COP1: variants seen among roughly 807,000 people sequenced by gnomAD.
The protein encoded by COP1 is E3 ubiquitin-protein ligase COP1.
Under a neutral mutation model 101.3 loss-of-function variants are expected in COP1, and 24 were observed. The ratio of observed to expected loss-of-function variants is 0.24; its 90% CI spans 0.17 to 0.33. The LOEUF (loss-of-function observed/expected upper bound fraction) is 0.33, where lower values mean the gene tolerates loss of function less well. Ranked by LOEUF, COP1 falls within the 10% of genes least tolerant of loss-of-function variation. The probability of loss-of-function intolerance (pLI) is 1.00; values close to 1 mark genes in which losing one functional copy is unlikely to be tolerated. For synonymous variants in COP1, 347 were observed against 341.9 expected, an observed-to-expected ratio of 1.01 and a Z score of -0.17; for missense variants, 663 against 906.2, an observed-to-expected ratio of 0.73 and a Z score of 3.45.
intron 9 of COP1, among the ~76,000 whole-genome samples, chr1:176,110,077 C>T (rs1685015880): frequency 6.6e-6 from 1 of 152,132 alleles, no homozygotes; most frequent in African/African-American, 2.4e-5. Context: ...CTTTTCTAGA[C>T]TGCCTGTCTG....
At chr1:175,990,530 ACT>A (rs1461874913) in intron 15 of COP1, among the ~76,000 whole-genome samples, 1 of 152,062 alleles carries the variant, frequency 6.6e-6, no homozygotes. Context: ...GTCTTCTAAA[ACT>A]CTGCCAATTT....
At chr1:176,195,068 C>G (rs1235896165) in intron 1 of COP1, among the ~76,000 whole-genome samples, 3 of 146,734 alleles carry the variant, frequency 2.0e-5, no homozygotes, top group Non-Finnish European at 3.0e-5. Context: ...GCCTGGGTGA[C>G]AGAGTGAGAC....
At chr1:176,077,380 A>G (rs1678242881) in intron 11 of COP1, among the ~76,000 whole-genome samples, 1 of 152,192 alleles carries the variant, frequency 6.6e-6, no homozygotes, top group Admixed American at 6.5e-5. Flanking sequence ...TTACCACATA[A>G]ATAGAATAAA....
At chr1:176,026,782 C>A (rs957004353) in intron 15 of COP1, among the ~76,000 whole-genome samples, 1 of 151,180 alleles carries the variant, frequency 6.6e-6, no homozygotes, top group South Asian at 2.1e-4. Flanking sequence ...TTTGTAAAAC[C>A]CTGATATTAT....
intron 15 of COP1, among the ~76,000 whole-genome samples, chr1:176,014,584 T>C (rs542521306): frequency 2.6e-5 from 4 of 152,266 alleles, no homozygotes; most frequent in Middle Eastern, 3.4e-3. Flanking sequence ...ATAAAATACA[T>C]GTTTTTTTAA....
chr1:176,041,446 C>T (rs560765268), intron 14 of COP1, among the ~76,000 whole-genome samples: 5 of 151,652 alleles, frequency 3.3e-5, no homozygotes, highest in East Asian at 2.0e-4. Flanking sequence ...CTCCTAGGTT[C>T]GAACAATTCT....
Position 176,206,848 on chromosome 1 carries a change from G to T in COP1, c.131C>A (p.Ala44Glu). The change falls in exon 1 of 20, where the codon GCG (alanine) becomes GAG (glutamate). Residue 44 changes from alanine (A) to glutamate (E), a missense_variant. Ala to Glu is a moderately radical substitution (Grantham distance 107). Around this residue, in one of 4 missense-constraint regions of COP1, gnomAD observed 204 missense variants for 203.6 expected, o/e 1.00. Coordinates refer to ENST00000367669, the MANE Select transcript of COP1 (RefSeq NM_022457.7). ...SPSPPSVAVS[A>E]AALVSGGVAQ... ...CACCCCGCCGGACACCAGCGCTGCC[G>T]CCGAAACCGCCACGGAAGGCGGCGA... 7.0e-7 allele frequency: 1 copy of T among 1,430,654 alleles called. No homozygotes were observed. The highest frequency in any genetic ancestry group is 1.5e-5 in the African/African-American group (1 of 67,290). The allele number at this position is 1,430,654 out of a possible 1,614,324, so 88.6% of individuals were successfully genotyped here.
intron 18 of COP1, among the ~76,000 whole-genome samples, chr1:175,979,963 T>C (rs544906839): frequency 6.6e-6 from 1 of 152,316 alleles, no homozygotes; most frequent in Non-Finnish European, 1.5e-5. Context: ...CGCTGTGTAA[T>C]GCTAGGGGTA....
In COP1 at chr1:176,170,471, A is replaced by G. The variant is rs559454069; in HGVS notation, c.565+5439T>C. On this transcript the variant is annotated intron_variant, in intron 3 of 19. Coordinates refer to ENST00000367669, the MANE Select transcript of COP1 (RefSeq NM_022457.7). ...AAAACAACCTTACTCTCCTTTGTAC[A>G]TCTGTATCAGAGCTCTTGGGTGACC... is the stretch of plus-strand genomic sequence containing the variant. Among the ~76,000 whole-genome samples the G allele has an allele frequency of 1.1e-4, 16 of 152,330 alleles. No homozygotes were observed. In the South Asian group the frequency reaches 3.3e-3, roughly 32 times the overall value.
chr1:176,174,176 A>T (rs1409929543), intron 3 of COP1, among the ~76,000 whole-genome samples: 1 of 152,002 alleles, frequency 6.6e-6, no homozygotes, highest in Non-Finnish European at 1.5e-5. Flanking sequence ...TAAACACCAA[A>T]ATCTTCAGAA....
chr1:176,057,783 T>C (rs1274935944), intron 11 of COP1, among the ~76,000 whole-genome samples: 6 of 152,116 alleles, frequency 3.9e-5, no homozygotes, highest in Non-Finnish European at 8.8e-5. Context: ...GGAGCGTCTC[T>C]GCCTGGCCGC....
chr1:176,134,943 A>G, intron 8 of COP1, 67 bp downstream of exon 8: 1 of 1,188,278 alleles, frequency 8.4e-7, no homozygotes, highest in Non-Finnish European at 1.2e-6. Flanking sequence ...AAAGGCTCCT[A>G]AAGGACTAGA....
chr1:175,962,537 T>C (rs1168819661), intron 18 of COP1, among the ~76,000 whole-genome samples: 1 of 152,188 alleles, frequency 6.6e-6, no homozygotes, highest in Non-Finnish European at 1.5e-5. Context: ...CCGAGCCTTT[T>C]CATTGGGGGT....
intron 11 of COP1, among the ~76,000 whole-genome samples, chr1:176,058,210 G>A (rs1391673153): frequency 1.8e-4 from 26 of 147,984 alleles, no homozygotes; most frequent in African/African-American, 6.2e-4. Context: ...CTGCCCAGCC[G>A]CCCCTTCTGG....
chr1:176,154,834 T>C (rs959094901), intron 5 of COP1, among the ~76,000 whole-genome samples: 2 of 152,130 alleles, frequency 1.3e-5, no homozygotes, highest in African/African-American at 4.8e-5. Flanking sequence ...ACGATGACGG[T>C]ATTGGAAAGA....
At chr1:175,994,146 G>C (rs1469320976) in intron 15 of COP1, among the ~76,000 whole-genome samples, 8 of 152,110 alleles carry the variant, frequency 5.3e-5, no homozygotes, top group African/African-American at 1.4e-4. Context: ...GCCAAACTAA[G>C]CTTCATAAGT....
intron 2 of COP1, among the ~76,000 whole-genome samples, chr1:176,179,719 G>C (rs1697479090): frequency 6.6e-6 from 1 of 152,130 alleles, no homozygotes; most frequent in Non-Finnish European, 1.5e-5. Flanking sequence ...CCTGGTGAGA[G>C]AGTGACACCC....
chr1:176,201,671 T>C (rs1367928028), intron 1 of COP1, among the ~76,000 whole-genome samples: 1 of 152,232 alleles, frequency 6.6e-6, no homozygotes, highest in Non-Finnish European at 1.5e-5. Context: ...TTCATGATCA[T>C]CTATTTTCTC....
intron 9 of COP1, among the ~76,000 whole-genome samples, chr1:176,114,532 A>T (rs1046693626): frequency 3.3e-5 from 5 of 149,428 alleles, no homozygotes; most frequent in Non-Finnish European, 5.9e-5. Context: ...TTCATTAAAA[A>T]CACCTCATTG....
Sources: allele counts gnomAD v4.1 joint callset (sites outside exome capture counted in the v4.1 genomes callset), GRCh38; gene constraint gnomAD v4.1.1; regional missense constraint gnomAD v4.1.1; transcripts MANE v1.5; gene names NCBI Gene and HGNC (gene_info 2026-07-23, HGNC 2026-07-21).